ATRNL1: variants seen among roughly 807,000 people sequenced by gnomAD.
The protein encoded by ATRNL1 is attractin like 1.
ATRNL1 carries 95 observed loss-of-function variants against 182.7 expected under a neutral mutation model. The observed-to-expected ratio is 0.52, with a 90% CI of 0.44 to 0.62. ATRNL1 has a LOEUF of 0.62. Among genes scored for constraint, ATRNL1 ranks in the 20% least tolerant of loss-of-function variants. The pLI is 0.00. For missense variants in ATRNL1, 1,471 were observed against 1,679.5 expected, an observed-to-expected ratio of 0.88 and a Z score of 2.17; for synonymous variants, 576 against 568.3, an observed-to-expected ratio of 1.01 and a Z score of -0.19.
At chr10:115,187,965 C>T (rs145216653) in intron 8 of ATRNL1, among the ~76,000 whole-genome samples, 1,866 of 150,930 alleles carry the variant, frequency 0.012, 31 homozygotes, top group African/African-American at 0.042. Context: ...TAGGCGTGAG[C>T]CACCGCACCC....
At chr10:115,833,929 T>C (rs1161422268) in intron 27 of ATRNL1, among the ~76,000 whole-genome samples, 1 of 152,228 alleles carries the variant, frequency 6.6e-6, no homozygotes, top group East Asian at 1.9e-4. Flanking sequence ...TCACCATATG[T>C]GTTCATAATC....
intron 26 of ATRNL1, among the ~76,000 whole-genome samples, chr10:115,685,559 A>G (rs566099339): frequency 6.6e-6 from 1 of 152,030 alleles, no homozygotes; most frequent in South Asian, 2.1e-4. Context: ...AATTCGTCTT[A>G]TGCCAAAATT....
chr10:115,615,636 C>A (rs1555020511), intron 26 of ATRNL1, among the ~76,000 whole-genome samples: 1 of 152,022 alleles, frequency 6.6e-6, no homozygotes, highest in Non-Finnish European at 1.5e-5. Context: ...CGGTAGATTC[C>A]CCTATCAGTG....
At chr10:115,550,068 G>T (rs145644615) in intron 26 of ATRNL1, among the ~76,000 whole-genome samples, 54 of 151,566 alleles carry the variant, frequency 3.6e-4, no homozygotes, top group Middle Eastern at 3.4e-3. Flanking sequence ...TATTTTTCTC[G>T]TAATCCTAAA....
At chr10:115,331,029 C>T (rs1855189341) in intron 18 of ATRNL1, among the ~76,000 whole-genome samples, 1 of 150,804 alleles carries the variant, frequency 6.6e-6, no homozygotes, top group Non-Finnish European at 1.5e-5. Flanking sequence ...AGTGATTCTT[C>T]TGCTTTGTCA....
intron 27 of ATRNL1, among the ~76,000 whole-genome samples, chr10:115,742,111 C>T (rs1308164143): frequency 6.6e-6 from 1 of 152,022 alleles, no homozygotes; most frequent in Non-Finnish European, 1.5e-5. Context: ...GAAGCCAGAC[C>T]GCAAGAGATG....
At chr10:115,535,855 G>A (rs1592809195) in intron 25 of ATRNL1, among the ~76,000 whole-genome samples, 1 of 152,120 alleles carries the variant, frequency 6.6e-6, no homozygotes, top group East Asian at 1.9e-4. Flanking sequence ...AGGTCTGTTG[G>A]AGTTTGCTAG....
intron 13 of ATRNL1, among the ~76,000 whole-genome samples, chr10:115,271,234 G>A (rs1851849324): frequency 6.6e-6 from 1 of 151,204 alleles, no homozygotes; most frequent in Admixed American, 6.6e-5. Flanking sequence ...AGGAAATACA[G>A]TCCTTATTTC....
intron 26 of ATRNL1, among the ~76,000 whole-genome samples, chr10:115,558,864 C>T (rs1283321583): frequency 6.6e-6 from 1 of 152,132 alleles, no homozygotes; most frequent in African/African-American, 2.4e-5. Context: ...TTGCTCCCTT[C>T]CTACCCCCTT....
chr10:115,911,649 A>G (rs191039094), intron 28 of ATRNL1, among the ~76,000 whole-genome samples: 188 of 152,234 alleles, frequency 1.2e-3, no homozygotes, highest in African/African-American at 4.2e-3. Context: ...TTGAGGCCCG[A>G]TTTCATCAGT....
intron 5 of ATRNL1, among the ~76,000 whole-genome samples, chr10:115,137,938 A>G (rs972554839): frequency 2.0e-5 from 3 of 152,220 alleles, no homozygotes; most frequent in Non-Finnish European, 4.4e-5. Flanking sequence ...ATCAAAAGCA[A>G]GTTAGTTACT....
intron 8 of ATRNL1, among the ~76,000 whole-genome samples, chr10:115,203,750 T>A (rs1424411198): frequency 1.4e-5 from 2 of 141,854 alleles, no homozygotes; most frequent in Non-Finnish European, 3.1e-5. Flanking sequence ...TGGCTATTTT[T>A]TTTTTTTTTT....
At chr10:115,198,539 T>G (rs146294663) in intron 8 of ATRNL1, among the ~76,000 whole-genome samples, 1 of 152,190 alleles carries the variant, frequency 6.6e-6, no homozygotes, top group African/African-American at 2.4e-5. Flanking sequence ...ACTTTTGCTT[T>G]TGTTACCTGT....
intron 19 of ATRNL1, among the ~76,000 whole-genome samples, chr10:115,379,472 G>A (rs1857865396): frequency 6.6e-6 from 1 of 152,086 alleles, no homozygotes; most frequent in Non-Finnish European, 1.5e-5. Context: ...TAAGAAATGT[G>A]GCAAGCATAA....
At chr10:115,289,711 G>T (rs1852800207) in intron 15 of ATRNL1, among the ~76,000 whole-genome samples, 1 of 152,120 alleles carries the variant, frequency 6.6e-6, no homozygotes, top group African/African-American at 2.4e-5. Flanking sequence ...TGAATTATTT[G>T]TGGGTTCTCT....
rs571421151 is a variant in ATRNL1, at chr10:115,523,738, G to C, written c.3716+4414G>C. Among the ~76,000 whole-genome samples, 3 of 152,236 alleles carry C rather than the reference G, an allele frequency of 2.0e-5. No individual in the cohort carries two copies. In the South Asian group the frequency reaches 6.2e-4, roughly 32 times the overall value. On this transcript the variant is annotated intron_variant, in intron 25 of 28. Transcript: ENST00000355044. ...CTGTCTATATTTCAATCAGCATTTT[G>C]GTCACAGCCACTTAACCAATTTCTA...
intron 27 of ATRNL1, among the ~76,000 whole-genome samples, chr10:115,790,584 G>A (rs1949507110): frequency 1.3e-5 from 2 of 150,586 alleles, no homozygotes; most frequent in Middle Eastern, 3.4e-3. Context: ...AGAGAGTGAA[G>A]GAAAATGAAA....
chr10:115,835,936 C>A (rs1950660020), intron 27 of ATRNL1, among the ~76,000 whole-genome samples: 1 of 152,212 alleles, frequency 6.6e-6, no homozygotes, highest in Non-Finnish European at 1.5e-5. Flanking sequence ...GAACTTCTCC[C>A]TCTGCCACAT....
chr10:115,098,261 T>G (rs958736762), intron 1 of ATRNL1, among the ~76,000 whole-genome samples: 1 of 152,032 alleles, frequency 6.6e-6, no homozygotes, highest in Non-Finnish European at 1.5e-5. Context: ...GTCTGCATGA[T>G]TTGGCCCCTT....
Sources: allele counts gnomAD v4.1 joint callset (sites outside exome capture counted in the v4.1 genomes callset), GRCh38; gene constraint gnomAD v4.1.1; transcripts MANE v1.5; gene names NCBI Gene and HGNC (gene_info 2026-07-23, HGNC 2026-07-21).